RNF217: variants seen among roughly 807,000 people sequenced by gnomAD.
The protein encoded by RNF217 is ring finger protein 217.
RNF217 carries 31 observed loss-of-function variants against 57.8 expected under a neutral mutation model. That is an observed-to-expected ratio of 0.54 (90% confidence interval 0.40 to 0.72). The LOEUF (loss-of-function observed/expected upper bound fraction) is 0.72, where lower values mean the gene tolerates loss of function less well. Among genes scored for constraint, RNF217 ranks in the 30% least tolerant of loss-of-function variants. RNF217 has a pLI of 0.00. For synonymous variants in RNF217, 313 were observed against 294.0 expected, an observed-to-expected ratio of 1.06 and a Z score of -0.66; for missense variants, 696 against 708.3, an observed-to-expected ratio of 0.98 and a Z score of 0.20.
At chr6:124,985,311 T>C (rs1305528228) in intron 1 of RNF217, among the ~76,000 whole-genome samples, 4 of 152,206 alleles carry the variant, frequency 2.6e-5, no homozygotes, top group Non-Finnish European at 4.4e-5. Context: ...ATTTTTAATT[T>C]TTGCGGATAC....
intron 1 of RNF217, among the ~76,000 whole-genome samples, chr6:124,964,588 A>G (rs1783458351): frequency 6.6e-6 from 1 of 152,170 alleles, no homozygotes. Context: ...CTAGACTGAA[A>G]GTGTGTACAG....
intron 1 of RNF217, among the ~76,000 whole-genome samples, chr6:125,001,542 T>C (rs1784983992): frequency 6.6e-6 from 1 of 152,188 alleles, no homozygotes. Flanking sequence ...TTAAGTAAAC[T>C]TATTCCTGAT....
At chr6:125,067,202 G>A (rs760064075) in intron 3 of RNF217, among the ~76,000 whole-genome samples, 6 of 152,156 alleles carry the variant, frequency 3.9e-5, no homozygotes, top group East Asian at 3.9e-4. Flanking sequence ...TTAACTTAGC[G>A]TAAGGTTTAT....
At chr6:125,071,497 TG>T in intron 3 of RNF217, among the ~76,000 whole-genome samples, 1 of 132,654 alleles carries the variant, frequency 7.5e-6, no homozygotes, top group African/African-American at 3.8e-5. Context: ...TGTGTGTGTG[TG>T]TGTGTGTGTG....
chr6:125,021,308 C>T (rs1785827728), intron 1 of RNF217, among the ~76,000 whole-genome samples: 1 of 148,486 alleles, frequency 6.7e-6, no homozygotes, highest in African/African-American at 2.5e-5. Context: ...GGTCTGTCAC[C>T]AAGGCTGGAG....
In RNF217 at chr6:124,962,645, A is replaced by G; in HGVS notation, c.101A>G (p.Gln34Arg). 7.5e-7 allele frequency: 1 copy of G among 1,328,976 alleles called. No homozygotes were observed. 82.3% of individuals were successfully genotyped at this position (1,328,976 alleles called of 1,614,324 possible). A position where few individuals can be genotyped will look rare whatever the true frequency, so the allele number is the denominator to read the frequency against. The change falls in exon 1 of 6, where the codon CAG (glutamine) becomes CGG (arginine). Residue 34 changes from glutamine to arginine, a missense_variant. By Grantham distance (43) the Gln-to-Arg change is conservative. Around this residue, in one of 2 missense-constraint regions of RNF217, gnomAD observed 465 missense variants for 386.8 expected, o/e 1.20. Coordinates refer to ENST00000521654, the MANE Select transcript of RNF217 (RefSeq NM_001286398.3). This position sits in a 1 kb window ranked among gnomAD's most constrained non-coding sequence, Gnocchi z 4.6. ...TAGHPEPPRP[Q>R]GDSARAPPLR... ...GGCCACCCTGAGCCCCCGAGGCCTC[A>G]GGGGGACAGCGCCCGGGCGCCCCCG...
At chr6:125,036,684 A>C (rs548851285) in intron 1 of RNF217, among the ~76,000 whole-genome samples, 1 of 151,746 alleles carries the variant, frequency 6.6e-6, no homozygotes, top group African/African-American at 2.4e-5. Context: ...AAGAAAAAAA[A>C]CATCAAAAAG....
chr6:125,019,208 A>G (rs775181454), intron 1 of RNF217, among the ~76,000 whole-genome samples: 17 of 152,162 alleles, frequency 1.1e-4, no homozygotes, highest in Non-Finnish European at 1.8e-4. Context: ...ACCATTTGAA[A>G]ATCCCTTCCT....
intron 1 of RNF217, among the ~76,000 whole-genome samples, chr6:124,974,392 T>G (rs548932220): frequency 6.6e-6 from 1 of 152,310 alleles, no homozygotes; most frequent in Admixed American, 6.5e-5. Context: ...TGGTGGTGTG[T>G]TTTTTGTGCT....
chr6:125,037,235 A>G (rs1272458124), intron 1 of RNF217, among the ~76,000 whole-genome samples: 2 of 152,220 alleles, frequency 1.3e-5, no homozygotes, highest in Non-Finnish European at 2.9e-5. Flanking sequence ...TTTCTGGCAG[A>G]AAAAGTTTTA....
rs1788795814 is a variant in RNF217 at position 125,087,239 on chromosome 6, T to A, written c.*4302T>A. On this transcript the variant is annotated 3_prime_UTR_variant, in exon 6 of 6. Coordinates refer to ENST00000521654, the MANE Select transcript of RNF217 (RefSeq NM_001286398.3). ...CTGTTACATTAGAATTACAAAAAAG[T>A]TAGTGGCCTCTATAACCTTAATTGG... The A allele has an allele frequency of 6.6e-6, 1 of 152,128 alleles. No homozygotes were observed. Among genetic ancestry groups the A allele is most frequent in the Admixed American group, 6.6e-5 (1 of 15,248 alleles). The allele number at this position is 152,128 out of a possible 1,614,324, so 9.4% of individuals were successfully genotyped here. A position where few individuals can be genotyped will look rare whatever the true frequency, so the allele number is the denominator to read the frequency against.
At chr6:125,054,794 G>T (rs1473063098) in intron 2 of RNF217, among the ~76,000 whole-genome samples, 5 of 152,098 alleles carry the variant, frequency 3.3e-5, no homozygotes, top group Admixed American at 6.6e-5. Flanking sequence ...GTGCACTTTT[G>T]GCTCTGAGGT....
chr6:125,048,760 G>T (rs1486809078), intron 2 of RNF217, among the ~76,000 whole-genome samples: 1 of 151,978 alleles, frequency 6.6e-6, no homozygotes, highest in East Asian at 1.9e-4. Context: ...TGGATAAAGG[G>T]TAAAAAGAAT....
chr6:125,005,820 G>C (rs1394286546), intron 1 of RNF217, among the ~76,000 whole-genome samples: 1 of 152,078 alleles, frequency 6.6e-6, no homozygotes, highest in Admixed American at 6.6e-5. Flanking sequence ...AGAACATAAG[G>C]TATTAGAGCA....
At chr6:125,059,340 G>A (rs529433539) in intron 3 of RNF217, among the ~76,000 whole-genome samples, 5 of 152,110 alleles carry the variant, frequency 3.3e-5, no homozygotes, top group East Asian at 1.9e-4. Context: ...TCACTGCATC[G>A]GTTGCTCAGT....
chr6:125,037,023 G>A (rs145141537), intron 1 of RNF217, among the ~76,000 whole-genome samples: 33 of 150,268 alleles, frequency 2.2e-4, no homozygotes, highest in African/African-American at 6.3e-4. Flanking sequence ...ACAGGGTGGC[G>A]ATTCTTCAAG....
At chr6:125,081,807 A>G (rs1358453371) in intron 5 of RNF217, among the ~76,000 whole-genome samples, 2 of 152,100 alleles carry the variant, frequency 1.3e-5, no homozygotes, top group East Asian at 1.9e-4. Context: ...AGGCAAGTGG[A>G]ATAGAACCCA....
At chr6:125,064,719 T>G (rs1001869606) in intron 3 of RNF217, among the ~76,000 whole-genome samples, 3 of 152,096 alleles carry the variant, frequency 2.0e-5, no homozygotes, top group Non-Finnish European at 4.4e-5. Context: ...TCCTTTATAT[T>G]TAATATTTTA....
chr6:124,967,649 A>G (rs1221619654), intron 1 of RNF217, among the ~76,000 whole-genome samples: 1 of 152,244 alleles, frequency 6.6e-6, no homozygotes, highest in African/African-American at 2.4e-5. Flanking sequence ...CAGCTGCTAG[A>G]TGATAAAGTC....
Sources: allele counts gnomAD v4.1 joint callset (sites outside exome capture counted in the v4.1 genomes callset), GRCh38; gene constraint gnomAD v4.1.1; regional missense constraint gnomAD v4.1.1; non-coding constraint Gnocchi (gnomAD v3.1); transcripts MANE v1.5; gene names NCBI Gene and HGNC (gene_info 2026-07-23, HGNC 2026-07-21).